Variants in GDF7 observed in about 807,000 individuals in gnomAD.
GDF7 encodes the protein growth differentiation factor 7.
A neutral mutation model predicts 13.4 loss-of-function variants in GDF7; 12 were observed. The ratio of observed to expected loss-of-function variants is 0.90; its 90% confidence interval spans 0.57 to 1.45. GDF7 has a LOEUF of 1.45. Ranked by LOEUF, GDF7 falls within the 40% of genes most tolerant of loss-of-function variation. The pLI is 0.00. For missense variants in GDF7, 651 were observed against 652.4 expected, an observed-to-expected ratio of 1.00 and a Z score of 0.02; for synonymous variants, 330 against 306.4, an observed-to-expected ratio of 1.08 and a Z score of -0.80.
chr2:20,667,636 T>TA lies in GDF7; in HGVS notation c.391+7dup, dbSNP rs760847387. ...CACAGACCAGGCGACCCAAGGTACT[T>TA]ACGCCTCTTCTGTGCCCGCCCATCC... On this transcript the variant is annotated splice_region_variant and intron_variant, in intron 1 of 1. Transcript: ENST00000272224. This position sits in a 1 kb window ranked among gnomAD's most constrained non-coding sequence, Gnocchi z 6.4. The TA allele has an allele frequency of 3.7e-4, 542 of 1,467,908 alleles. No homozygotes were observed. The highest frequency in any genetic ancestry group is 3.9e-4 in the Non-Finnish European group (438 of 1,114,600). 90.9% of individuals were successfully genotyped at this position (1,467,908 alleles called of 1,614,324 possible).
intron 1 of GDF7, among the ~76,000 whole-genome samples, chr2:20,668,324 G>T (rs1330449779): frequency 6.6e-6 from 1 of 152,124 alleles, no homozygotes; most frequent in Non-Finnish European, 1.5e-5. Flanking sequence ...GGGAGGAGAG[G>T]CCTGCTGGGG....
chr2:20,677,262 T>C lies in GDF7; in HGVS notation c.*5837T>C, dbSNP rs1435153653. ...TCTCTTTTCTATGTCAGTAAGGGGATGCTGAAATAAACTGTCTAGAAAAAC... is the reference window on the plus strand; with the variant it reads ...TCTCTTTTCTATGTCAGTAAGGGGACGCTGAAATAAACTGTCTAGAAAAAC... On this transcript the variant is annotated 3_prime_UTR_variant, in exon 2 of 2. Coordinates refer to ENST00000272224, the MANE Select transcript of GDF7 (RefSeq NM_182828.4). The C allele has an allele frequency of 1.3e-5, 2 of 152,250 alleles. No homozygotes were observed. The highest frequency in any genetic ancestry group is 2.9e-5 in the Non-Finnish European group (2 of 68,048). The allele number at this position is 152,250 out of a possible 1,614,324, so 9.4% of individuals were successfully genotyped here.
In GDF7 at chr2:20,673,549, A is replaced by C. The variant is rs1193038082; in HGVS notation, c.*2124A>C. ...AGGTTTAGAAAGGAAGTTAATGACA[A>C]AGTGCAGTTAAATGTTATTTTGAGG... is the stretch of plus-strand genomic sequence containing the variant. On this transcript the variant is annotated 3_prime_UTR_variant, in exon 2 of 2. Coordinates refer to ENST00000272224, the MANE Select transcript of GDF7 (RefSeq NM_182828.4). 2.0e-5 allele frequency: 3 copies of C among 152,272 alleles called. No individual in the cohort carries two copies. The highest frequency in any genetic ancestry group is 7.2e-5 in the African/African-American group (3 of 41,468). The allele number at this position is 152,272 out of a possible 1,614,324, so 9.4% of individuals were successfully genotyped here.
rs751863115 is a variant in GDF7 at position 20,670,455 on chromosome 2, C to A, written c.392-9C>A. ...GCTCTTTCTCTCTGTCCCTGCCGGT[C>A]CCCCGCAGACGAATCGGCAGCCGAA... On this transcript the variant is annotated splice_polypyrimidine_tract_variant and intron_variant, in intron 1 of 1. Transcript: ENST00000272224. The A allele has an allele frequency of 6.6e-7, 1 of 1,521,814 alleles. No homozygotes were observed. The highest frequency in any genetic ancestry group is 8.8e-7 in the Non-Finnish European group (1 of 1,133,792). 94.3% of individuals were successfully genotyped at this position (1,521,814 alleles called of 1,614,324 possible).
chr2:20,668,610 G>A (rs1288811648), intron 1 of GDF7, among the ~76,000 whole-genome samples: 1 of 152,222 alleles, frequency 6.6e-6, no homozygotes, highest in African/African-American at 2.4e-5. Flanking sequence ...GGAAGTGAGC[G>A]GGTGGGGCTG....
At position 20,674,656 on chromosome 2, in the gene GDF7, C is replaced by T. The variant is rs1662190126; in HGVS notation, c.*3231C>T. 6.6e-6 allele frequency: 1 copy of T among 152,288 alleles called. No homozygotes were observed. The highest frequency in any genetic ancestry group is 1.5e-5 in the Non-Finnish European group (1 of 68,082). 9.4% of individuals were successfully genotyped at this position (152,288 alleles called of 1,614,324 possible). ...TGGGTCTTCCAGAGAAGGTGGCAGGCTTTGCTGTGTTAGCTTGGGGAAGCC... is the reference window on the plus strand; with the variant it reads ...TGGGTCTTCCAGAGAAGGTGGCAGGTTTTGCTGTGTTAGCTTGGGGAAGCC... On this transcript the variant is annotated 3_prime_UTR_variant, in exon 2 of 2. Transcript: ENST00000272224.
intron 1 of GDF7, among the ~76,000 whole-genome samples, chr2:20,668,897 A>G (rs1315325608): frequency 2.0e-5 from 3 of 152,204 alleles, no homozygotes; most frequent in Non-Finnish European, 4.4e-5. Context: ...GTTCTGGTGC[A>G]CAGGGACAGG....
intron 1 of GDF7, among the ~76,000 whole-genome samples, chr2:20,669,964 G>T (rs150500080): frequency 6.6e-6 from 1 of 152,168 alleles, no homozygotes; most frequent in Non-Finnish European, 1.5e-5. Context: ...TTCCGTTTTC[G>T]CACAGCCAGG....
In GDF7 at chr2:20,671,335, C is replaced by T. The variant is rs747585645; in HGVS notation, c.1263C>T (p.Ser421=). Reference sequence around the variant, plus strand: ...CCTGCTGTGTGCCAGCGCGCCTCAGCCCCATCAGCATCCTCTACATCGACG... The same window carrying T: ...CCTGCTGTGTGCCAGCGCGCCTCAGTCCCATCAGCATCCTCTACATCGACG... ...PASCCVPARL[S]PISILYIDAA... The change falls in exon 2 of 2, where the codon AGC becomes AGT. Residue 421 remains serine (S), a synonymous_variant. Transcript: ENST00000272224. 1 of 1,613,568 alleles carries T rather than the reference C, an allele frequency of 6.2e-7. No homozygotes were observed. The highest frequency in any genetic ancestry group is 8.5e-7 in the Non-Finnish European group (1 of 1,179,930).
In GDF7 at chr2:20,673,728, T is replaced by C. The variant is rs1231332242; in HGVS notation, c.*2303T>C. The C allele has an allele frequency of 3.3e-5, 5 of 152,266 alleles. No homozygotes were observed. Among genetic ancestry groups the C allele is most frequent in the African/African-American group, 1.2e-4 (5 of 41,458 alleles). 9.4% of individuals were successfully genotyped at this position (152,266 alleles called of 1,614,324 possible). On this transcript the variant is annotated 3_prime_UTR_variant, in exon 2 of 2. Transcript: ENST00000272224. ...ACTGTCAATTTCCCCTCTTTCCTTC[T>C]GATGACCTCCTTCTAACGAGATGTG...
rs1042284549 is a variant in GDF7 at position 20,674,841 on chromosome 2, G to T, written c.*3416G>T. 2 of 152,240 alleles carry T rather than the reference G, an allele frequency of 1.3e-5. No homozygotes were observed. Among genetic ancestry groups the T allele is most frequent in the Admixed American group, 6.5e-5 (1 of 15,282 alleles). The allele number at this position is 152,240 out of a possible 1,614,324, so 9.4% of individuals were successfully genotyped here. On this transcript the variant is annotated 3_prime_UTR_variant, in exon 2 of 2. Transcript: ENST00000272224. ...GCTCTCATGGTGTCGGCAGGAGTGG[G>T]CGCCTCACCTTGGGTACTGAAGAGA... is the stretch of plus-strand genomic sequence containing the variant.
In GDF7 at chr2:20,667,563, C is replaced by T. The variant is rs751333411; in HGVS notation, c.324C>T (p.Ala108=). 53 of 1,499,542 alleles carry T rather than the reference C, an allele frequency of 3.5e-5. 1 individual carries two copies. In the South Asian group the frequency reaches 6.3e-4, roughly 18 times the overall value. 92.9% of individuals were successfully genotyped at this position (1,499,542 alleles called of 1,614,324 possible). The part of the protein sequence containing the change: ...SLAGRAPAGA[A]AVSASGHGRA... ...CCGGGAGGGCTCCGGCCGGGGCAGC[C>T]GCTGTCTCCGCCTCGGGCCATGGTC... is the stretch of plus-strand genomic sequence containing the variant. The change falls in exon 1 of 2, where the codon GCC becomes GCT. Residue 108 remains alanine (A), a synonymous_variant. Transcript: ENST00000272224. This position sits in a 1 kb window ranked among gnomAD's most constrained non-coding sequence, Gnocchi z 6.4.
In GDF7 at chr2:20,674,934, T is replaced by G. The variant is rs560293575; in HGVS notation, c.*3509T>G. The G allele has an allele frequency of 1.8e-4, 28 of 152,362 alleles. No individual in the cohort carries two copies. Among genetic ancestry groups the G allele is most frequent in the Admixed American group, 7.8e-4 (12 of 15,302 alleles). 9.4% of individuals were successfully genotyped at this position (152,362 alleles called of 1,614,324 possible). On this transcript the variant is annotated 3_prime_UTR_variant, in exon 2 of 2. Coordinates refer to ENST00000272224, the MANE Select transcript of GDF7 (RefSeq NM_182828.4). ...AATCCCTACACATTGTATATGCTGTTGGCAATTTCATTTAAACTCACAGCA... is the reference window on the plus strand; with the variant it reads ...AATCCCTACACATTGTATATGCTGTGGGCAATTTCATTTAAACTCACAGCA...
chr2:20,668,352 G>A (rs940235301), intron 1 of GDF7, among the ~76,000 whole-genome samples: 2 of 152,138 alleles, frequency 1.3e-5, no homozygotes, highest in African/African-American at 4.8e-5. Flanking sequence ...AGGAATGCAG[G>A]CCTCTCTTAG....
Position 20,667,681 on chromosome 2 carries a change from A to G in GDF7, c.391+51A>G. ...CCATCCCGTCAGGTCCTGGGCTGAG[A>G]CCAGCCCCGGAGCCGTGCCGCAGCT... On this transcript the variant is annotated intron_variant, in intron 1 of 1. Coordinates refer to ENST00000272224, the MANE Select transcript of GDF7 (RefSeq NM_182828.4). This position sits in a 1 kb window ranked among gnomAD's most constrained non-coding sequence, Gnocchi z 6.4. The G allele has an allele frequency of 1.5e-6, 2 of 1,293,930 alleles. No individual in the cohort carries two copies. Among genetic ancestry groups the G allele is most frequent in the Non-Finnish European group, 2.0e-6 (2 of 1,013,810 alleles). The allele number at this position is 1,293,930 out of a possible 1,614,324, so 80.2% of individuals were successfully genotyped here. A position where few individuals can be genotyped will look rare whatever the true frequency, so the allele number is the denominator to read the frequency against.
rs2149312470 is a variant in GDF7 at position 20,675,446 on chromosome 2, ACTGTGGGCTTCCGAGTGCC to A, written c.*4023_*4041del. On this transcript the variant is annotated 3_prime_UTR_variant, in exon 2 of 2. Coordinates refer to ENST00000272224, the MANE Select transcript of GDF7 (RefSeq NM_182828.4). ...TTGAGCTGCACCAGAGTCAGAGCCC[ACTGTGGGCTTCCGAGTGCC>A]CAGAGGCAGCTGCTCCCACAGCACG... 1.3e-5 allele frequency: 2 copies of A among 152,368 alleles called. No homozygotes were observed. The highest frequency in any genetic ancestry group is 4.1e-4 in the South Asian group (2 of 4,834). The allele number at this position is 152,368 out of a possible 1,614,324, so 9.4% of individuals were successfully genotyped here.
At position 20,678,419 on chromosome 2, in the gene GDF7, T is replaced by TG. The variant is rs1662269225; in HGVS notation, c.*6994_*6995insG. On this transcript the variant is annotated 3_prime_UTR_variant, in exon 2 of 2. Transcript: ENST00000272224. ...GCATTTTTTACAAGGATTAACATGC[T>TG]AACTACAACTTGCCCTTTCAGCAGA... 1 of 152,260 alleles carries TG rather than the reference T, an allele frequency of 6.6e-6. No homozygotes were observed. The highest frequency in any genetic ancestry group is 2.1e-4 in the South Asian group (1 of 4,836). The allele number at this position is 152,260 out of a possible 1,614,324, so 9.4% of individuals were successfully genotyped here.
At chr2:20,669,486 C>T (rs1273515656) in intron 1 of GDF7, among the ~76,000 whole-genome samples, 1 of 152,118 alleles carries the variant, frequency 6.6e-6, no homozygotes, top group Non-Finnish European at 1.5e-5. Context: ...GGAAATAAAA[C>T]CCCTAAGCCC....
intron 1 of GDF7, among the ~76,000 whole-genome samples, chr2:20,669,267 C>T (rs990271776): frequency 4.6e-5 from 7 of 152,122 alleles, no homozygotes; most frequent in Admixed American, 1.3e-4. Context: ...GGGATAGAAC[C>T]GGGACCTCAG....
Sources: allele counts gnomAD v4.1 joint callset (sites outside exome capture counted in the v4.1 genomes callset), GRCh38; gene constraint gnomAD v4.1.1; non-coding constraint Gnocchi (gnomAD v3.1); transcripts MANE v1.5; gene names NCBI Gene and HGNC (gene_info 2026-07-23, HGNC 2026-07-21).